The following NUP210 variants were observed in gnomAD, a reference collection of about 807,000 sequenced individuals.
NUP210 encodes the protein nuclear pore membrane glycoprotein 210.
A neutral mutation model predicts 196.0 loss-of-function variants in NUP210; 151 were observed. The observed-to-expected ratio is 0.77, with a 90% CI of 0.67 to 0.88. The LOEUF (loss-of-function observed/expected upper bound fraction) is 0.88, where lower values mean the gene tolerates loss of function less well. Ranked by LOEUF, NUP210 falls within the 40% of genes least tolerant of loss-of-function variation. The pLI, the probability that NUP210 is intolerant of heterozygous loss-of-function variation, is 0.00. For missense variants in NUP210, 2,314 were observed against 2,493.7 expected, an observed-to-expected ratio of 0.93 and a Z score of 1.53; for synonymous variants, 1,070 against 1,052.7, an observed-to-expected ratio of 1.02 and a Z score of -0.32.
Position 13,353,576 on chromosome 3 carries a change from C to G in NUP210, c.2606G>C (p.Ser869Thr), listed in dbSNP as rs368393714. The change falls in exon 18 of 40, where the codon AGC (serine) becomes ACC (threonine). Residue 869 changes from serine to threonine, a missense_variant. Physicochemically the swap from Ser to Thr is moderately conservative, Grantham distance 58. Coordinates refer to ENST00000254508, the MANE Select transcript of NUP210 (RefSeq NM_024923.4). The stretch of plus-strand genomic sequence containing the variant: ...TACCGGCTGCTTTGTTCTGGCAGAG[C>G]TGAGGTGGGACTCCTGGTAGCCAGT... The part of the protein sequence containing the change: ...TATGYQESHL[S>T]SARTKQPHDP... 1.7e-4 allele frequency: 270 copies of G among 1,614,118 alleles called. 2 individuals are homozygous for G. Among genetic ancestry groups the G allele is most frequent in the Middle Eastern group, 1.7e-3 (10 of 6,060 alleles).
At chr3:13,343,324 TG>T in intron 20 of NUP210, 21 bp from the exon 21 acceptor site, 1 of 208,380 alleles carries the variant, frequency 4.8e-6, no homozygotes, top group East Asian at 1.4e-4. Context: ...GGGGCGGAGG[TG>T]GAGGGGTGGG....
At chr3:13,373,945 C>G in intron 11 of NUP210, 72 bp from the exon 12 acceptor site, 1 of 1,552,598 alleles carries the variant, frequency 6.4e-7, no homozygotes, top group Non-Finnish European at 8.8e-7. Flanking sequence ...GGGTCAGAGA[C>G]ACGTGCGTGT....
At position 13,321,643 on chromosome 3, in the gene NUP210, T is replaced by C; in HGVS notation, c.5108A>G (p.His1703Arg). Residue 1703 changes from histidine (H) to arginine (R), a missense_variant, in exon 36 of 40, where the codon CAC becomes CGC. Physicochemically the swap from His to Arg is conservative, Grantham distance 29. Transcript: ENST00000254508. ...ADQAEILLSN[H>R]YTSSEIRVFG... ...GACCCTGATCTCGGAACTGGTGTAGTGGTTGCTCAAAAGGATTTCAGCCTG... is the reference window on the plus strand; with the variant it reads ...GACCCTGATCTCGGAACTGGTGTAGCGGTTGCTCAAAAGGATTTCAGCCTG... The C allele has an allele frequency of 6.2e-7, 1 of 1,614,088 alleles. No homozygotes were observed. Among genetic ancestry groups the C allele is most frequent in the African/African-American group, 1.3e-5 (1 of 75,000 alleles).
rs912156486 is a variant in NUP210, at chr3:13,347,106, T to C, written c.2836-3803A>G. On this transcript the variant is annotated intron_variant, in intron 20 of 39. Transcript: ENST00000254508. The surrounding 1 kb of genome is among the most constrained non-coding windows in gnomAD (Gnocchi z 4.7). ...TGTCCTCACCTGAACAATGGCCCCATGACGGGCTGCGCCTCACAGGACCCA... is the reference window on the plus strand; with the variant it reads ...TGTCCTCACCTGAACAATGGCCCCACGACGGGCTGCGCCTCACAGGACCCA... 1.0e-6 allele frequency: 1 copy of C among 985,296 alleles called. No homozygotes were observed. Among genetic ancestry groups the C allele is most frequent in the African/African-American group, 1.7e-5 (1 of 57,244 alleles). 61.0% of individuals were successfully genotyped at this position (985,296 alleles called of 1,614,324 possible).
At chr3:13,364,937 C>T (rs898573285) in intron 14 of NUP210, among the ~76,000 whole-genome samples, 1 of 152,156 alleles carries the variant, frequency 6.6e-6, no homozygotes, top group African/African-American at 2.4e-5. Flanking sequence ...CCATGAGGAC[C>T]GGAGCTGTCT....
At chr3:13,329,799 G>A (rs78663241) in intron 30 of NUP210, among the ~76,000 whole-genome samples, 13,966 of 152,288 alleles carry the variant, frequency 0.092, 854 homozygotes, top group Middle Eastern at 0.17. Flanking sequence ...CAGGGATGCT[G>A]ATGGAGAAGG....
chr3:13,403,381 T>C (rs1699903272), intron 1 of NUP210, among the ~76,000 whole-genome samples: 1 of 152,206 alleles, frequency 6.6e-6, no homozygotes, highest in Admixed American at 6.5e-5. Flanking sequence ...GGGAGCTCTC[T>C]GGGGCCTTTT....
At chr3:13,322,843 G>C (rs1189539302) in intron 34 of NUP210, among the ~76,000 whole-genome samples, 1 of 152,208 alleles carries the variant, frequency 6.6e-6, no homozygotes, top group East Asian at 1.9e-4. Context: ...CAGTGAGGTG[G>C]TTTAAGAAAA....
chr3:13,369,003 A>G (rs1485007707), intron 13 of NUP210, among the ~76,000 whole-genome samples: 1 of 152,192 alleles, frequency 6.6e-6, no homozygotes, highest in Admixed American at 6.5e-5. Flanking sequence ...TTCTTGAGGA[A>G]CCACCATACT....
At chr3:13,403,605 G>A (rs1158073541) in intron 1 of NUP210, among the ~76,000 whole-genome samples, 1 of 152,184 alleles carries the variant, frequency 6.6e-6, no homozygotes, top group Non-Finnish European at 1.5e-5. Context: ...GCCTCCTGGT[G>A]GAGGGCCGTG....
At chr3:13,364,557 G>A (rs182294752) in intron 14 of NUP210, among the ~76,000 whole-genome samples, 236 of 152,292 alleles carry the variant, frequency 1.5e-3, no homozygotes, top group African/African-American at 5.3e-3. Flanking sequence ...CGCCAGGCAC[G>A]GTGGCTCACG....
intron 3 of NUP210, among the ~76,000 whole-genome samples, chr3:13,393,556 C>A (rs1365265591): frequency 1.3e-5 from 2 of 152,234 alleles, no homozygotes; most frequent in African/African-American, 4.8e-5. Flanking sequence ...CTCGTTCATG[C>A]ATGGGCCTGC....
At chr3:13,328,621 C>G (rs2010643) in intron 31 of NUP210, 150 bp downstream of exon 31, 1 of 738,106 alleles carries the variant, frequency 1.4e-6, no homozygotes, top group Middle Eastern at 2.5e-4. Flanking sequence ...CCTCGTGGCC[C>G]TGCATGGTGC....
intron 10 of NUP210, 47 bp from the exon 11 acceptor site, chr3:13,375,688 C>T (rs1348346287): frequency 1.3e-6 from 2 of 1,588,222 alleles, no homozygotes; most frequent in African/African-American, 1.3e-5. Context: ...ACCATGTCAT[C>T]ATCAGTCTTT....
intron 18 of NUP210, 75 bp downstream of exon 18, chr3:13,353,479 C>T (rs1268956149): frequency 9.0e-6 from 11 of 1,217,810 alleles, no homozygotes; most frequent in Admixed American, 3.4e-5. Context: ...CTGTGATACC[C>T]GGTGGAATTT....
chr3:13,389,506 C>T (rs1415390557), intron 4 of NUP210, among the ~76,000 whole-genome samples: 1 of 152,168 alleles, frequency 6.6e-6, no homozygotes, highest in Non-Finnish European at 1.5e-5. Flanking sequence ...AGGCAGGAAG[C>T]GACAAAGCCA....
In NUP210 at chr3:13,323,393, G is replaced by A. The variant is rs371973937; in HGVS notation, c.4684C>T (p.Leu1562Phe). The stretch of plus-strand genomic sequence containing the variant: ...TGGAAGCTGGTCTGGATGGGGTGGA[G>A]GTGACGGGCCATGATCCTCTGAGGG... ...SVPQRIMARH[L>F]HPIQTSFQEA... is the part of the protein sequence containing the mutation. The change falls in exon 34 of 40, where the codon CTC becomes TTC. Residue 1562 changes from leucine to phenylalanine, a missense_variant. Transcript: ENST00000254508. This position sits in a 1 kb window ranked among gnomAD's most constrained non-coding sequence, Gnocchi z 4.3. 6.2e-6 allele frequency: 10 copies of A among 1,614,016 alleles called. No individual in the cohort carries two copies. Among genetic ancestry groups the A allele is most frequent in the African/African-American group, 2.7e-5 (2 of 74,920 alleles).
Position 13,376,317 on chromosome 3 carries a change from C to T in NUP210, c.1267G>A (p.Ala423Thr), listed in dbSNP as rs199710584. 5.2e-5 allele frequency: 84 copies of T among 1,614,060 alleles called. No homozygotes were observed. In the East Asian group the frequency reaches 9.4e-4, roughly 18 times the overall value. The change falls in exon 10 of 40, where the codon GCG becomes ACG. Residue 423 changes from alanine (A) to threonine (T), a missense_variant. Physicochemically the swap from Ala to Thr is moderately conservative, Grantham distance 58. Coordinates refer to ENST00000254508, the MANE Select transcript of NUP210 (RefSeq NM_024923.4). ...ALKRGQTAID[A>T]ALTSVVDQDG... is the part of the protein sequence containing the mutation. ...TGGTCCACCACAGAGGTGAGGGCCGCGTCAATGGCCGTCTGTCCCCTCTTT... is the reference window on the plus strand; with the variant it reads ...TGGTCCACCACAGAGGTGAGGGCCGTGTCAATGGCCGTCTGTCCCCTCTTT...
At position 13,341,621 on chromosome 3, in the gene NUP210, G is replaced by A. The variant is rs1697497897; in HGVS notation, c.3228+127C>T. The stretch of plus-strand genomic sequence containing the variant: ...GCTCGTAACAGCTGCCTTTTGATGA[G>A]AGGACATTGTGGGACACAGATTTTT... On this transcript the variant is annotated intron_variant, in intron 23 of 39. Transcript: ENST00000254508. 7.2e-6 allele frequency: 8 copies of A among 1,111,426 alleles called. No individual in the cohort carries two copies. The South Asian group carries it at 1.3e-4, about 17-fold the overall frequency. 68.8% of individuals were successfully genotyped at this position (1,111,426 alleles called of 1,614,324 possible).
Sources: gnomAD v4.1 joint callset for allele counts (sites outside exome capture counted in the v4.1 genomes callset) on GRCh38, gnomAD v4.1.1 for gene constraint, Gnocchi (gnomAD v3.1) non-coding constraint, MANE v1.5 for transcripts, NCBI Gene and HGNC (gene_info 2026-07-23, HGNC 2026-07-21) for gene names.